Variants in CUL7 observed in about 807,000 individuals in gnomAD.
The protein encoded by CUL7 is cullin 7, also known as cullin-7.
In CUL7, 96 loss-of-function variants were observed where a neutral mutation model predicts 177.7. The ratio of observed to expected loss-of-function variants is 0.54; its 90% CI spans 0.46 to 0.64. The LOEUF (loss-of-function observed/expected upper bound fraction) is 0.64. Ranked by LOEUF, CUL7 falls within the 30% of genes least tolerant of loss-of-function variation. CUL7 has a pLI of 0.00. For missense variants in CUL7, 1,893 were observed against 2,187.9 expected (o/e 0.87, Z 2.69); for synonymous variants, 824 against 890.2 (o/e 0.93, Z 1.32).
intron 9 of CUL7, 97 bp downstream of exon 9, chr6:43,048,051 C>G: frequency 1.3e-6 from 1 of 750,724 alleles, no homozygotes; most frequent in Non-Finnish European, 2.4e-6. Context: ...CTCAAAGGCT[C>G]TATCACGCCC....
chr6:43,044,561 G>T (rs1763725916), intron 16 of CUL7, among the ~76,000 whole-genome samples, 191 bp downstream of exon 16: 1 of 152,060 alleles, frequency 6.6e-6, no homozygotes, highest in Non-Finnish European at 1.5e-5. Flanking sequence ...CACTTATGGT[G>T]TCCCCTGACA....
chr6:43,038,512 C>G, intron 24 of CUL7, 40 bp from the exon 25 acceptor site: 1 of 1,613,696 alleles, frequency 6.2e-7, no homozygotes, highest in Non-Finnish European at 8.5e-7. Flanking sequence ...GGAGAGCCCA[C>G]GAGGAGCCTG....
At position 43,042,869 on chromosome 6, in the gene CUL7, A is replaced by C. The variant is rs1763570043; in HGVS notation, c.3578T>G (p.Phe1193Cys). ...SSELFGPRAAFLLALQNGCAG... is the reference protein window; with the variant it reads ...SSELFGPRAACLLALQNGCAG... ...ACAGCCATTTTGCAGCGCCAGCAAG[A>C]AGGCTGCCCGAGGCCCAAACAGTTC... The change falls in exon 19 of 26, where the codon TTC (phenylalanine) becomes TGC (cysteine). Residue 1193 changes from phenylalanine to cysteine, a missense_variant. By Grantham distance (205) the Phe-to-Cys change is radical. This residue lies in a region of CUL7 where 973 missense variants were observed against 1,140.9 expected (regional missense o/e 0.85). Transcript: ENST00000265348. 1 of 1,613,902 alleles carries C rather than the reference A, an allele frequency of 6.2e-7. No individual in the cohort carries two copies. Among genetic ancestry groups the C allele is most frequent in the African/African-American group, 1.3e-5 (1 of 74,928 alleles).
In CUL7 at chr6:43,040,502, A is replaced by G. The variant is rs1763315763; in HGVS notation, c.4023+28T>C. The G allele has an allele frequency of 6.2e-7, 1 of 1,612,808 alleles. No individual in the cohort carries two copies. The highest frequency in any genetic ancestry group is 1.7e-5 in the Admixed American group (1 of 59,966). On this transcript the variant is annotated intron_variant, in intron 21 of 25. Coordinates refer to ENST00000265348, the MANE Select transcript of CUL7 (RefSeq NM_014780.5). This position sits in a 1 kb window ranked among gnomAD's most constrained non-coding sequence, Gnocchi z 4.2. ...ACGCCCCTCTTCCCCCTACCCTCTTATTTGCTTATCCCTTCCAAGGCACTC... is the reference window on the plus strand; with the variant it reads ...ACGCCCCTCTTCCCCCTACCCTCTTGTTTGCTTATCCCTTCCAAGGCACTC...
Position 43,038,856 on chromosome 6 carries a change from G to A in CUL7, c.4426C>T (p.Leu1476Phe). The A allele has an allele frequency of 6.2e-7, 1 of 1,614,212 alleles. No individual in the cohort carries two copies. Among genetic ancestry groups the A allele is most frequent in the Non-Finnish European group, 8.5e-7 (1 of 1,180,030 alleles). ...GGCTGGGCCACCTTCAGGTCGTTGA[G>A]ATACAGCAGTAGCCACATCTGCACG... ...STVQMWLLLYLNDLKAVSVES... is the reference protein window; with the variant it reads ...STVQMWLLLYFNDLKAVSVES... The change falls in exon 23 of 26, where the codon CTC becomes TTC. Residue 1476 changes from leucine (L) to phenylalanine (F), a missense_variant. Physicochemically the swap from Leu to Phe is conservative, Grantham distance 22 (BLOSUM62 0). Around this residue, in one of 5 missense-constraint regions of CUL7, gnomAD observed 16 missense variants for 40.0 expected, o/e 0.40. Coordinates refer to ENST00000265348, the MANE Select transcript of CUL7 (RefSeq NM_014780.5).
In CUL7 at chr6:43,044,787, AG is replaced by A. The variant is rs1490219553; in HGVS notation, c.3136del (p.Leu1046TrpfsTer95). Reference sequence around the variant, plus strand: ...GATGTTCTGCACCACGGGGCTGACCAGGGCCTCCCAGCAGGTCTTGCCCAGA... The same window carrying A: ...GATGTTCTGCACCACGGGGCTGACCAGGCCTCCCAGCAGGTCTTGCCCAGA... ...QALGKTCWEA[L>X]VSPVVQNITS... On this transcript the variant is annotated frameshift_variant, in exon 16 of 26. Coordinates refer to ENST00000265348, the MANE Select transcript of CUL7 (RefSeq NM_014780.5). LOFTEE classifies it high-confidence loss of function. The A allele has an allele frequency of 3.7e-6, 6 of 1,613,298 alleles. No individual in the cohort carries two copies. The highest frequency in any genetic ancestry group is 3.4e-6 in the Non-Finnish European group (4 of 1,179,312).
At position 43,040,242 on chromosome 6, in the gene CUL7, G is replaced by T; in HGVS notation, c.4208C>A (p.Ser1403Ter). 6.2e-7 allele frequency: 1 copy of T among 1,614,200 alleles called. No individual in the cohort carries two copies. The highest frequency in any genetic ancestry group is 8.5e-7 in the Non-Finnish European group (1 of 1,180,032). Residue 1403 changes from serine to a stop codon, truncating the protein, a stop_gained, in exon 22 of 26, where the codon TCA becomes TAA. Coordinates refer to ENST00000265348, the MANE Select transcript of CUL7 (RefSeq NM_014780.5). LOFTEE classifies it high-confidence loss of function. This position sits in a 1 kb window ranked among gnomAD's most constrained non-coding sequence, Gnocchi z 4.2. ...VLSRHSWPVA[S>*]ICHTLNPRTC... ...TCTGGGGTTCAGTGTGTGGCAGATT[G>T]AGGCAACAGGCCAGGAGTGTCGGGA... is the stretch of plus-strand genomic sequence containing the variant.
At position 43,051,441 on chromosome 6, in the gene CUL7, C is replaced by G. The variant is rs1304401631; in HGVS notation, c.760G>C (p.Val254Leu). 6.2e-7 allele frequency: 1 copy of G among 1,614,066 alleles called. No individual in the cohort carries two copies. The change falls in exon 4 of 26, where the codon GTG becomes CTG. Residue 254 changes from valine to leucine, a missense_variant. Val to Leu is a conservative substitution (Grantham distance 32). Transcript: ENST00000265348. The surrounding 1 kb of genome is among the most constrained non-coding windows in gnomAD (Gnocchi z 5.0). ...QVPGRVLFSL[V>L]KRYLHVTSLL... ...GAGGTGACATGCAAATACCGCTTCA[C>G]CAGGGAGAAGAGCACCCTTCCTGGG...
At chr6:43,041,284 T>TA (rs1373096994) in intron 19 of CUL7, among the ~76,000 whole-genome samples, 2 of 152,208 alleles carry the variant, frequency 1.3e-5, no homozygotes, top group East Asian at 3.8e-4. Flanking sequence ...ACATTGTGTC[T>TA]AAAAAATCAA....
rs201348693 is a variant in CUL7 at position 43,049,629 on chromosome 6, C to T, written c.1603G>A (p.Val535Met). ...LDDEILAELA[V>M]PIELAQDLLL... ...AAGTCCTGGGCCAATTCTATGGGCA[C>T]GGCCAGTTCAGCTAGGATCTCATCA... The change falls in exon 7 of 26, where the codon GTG (valine) becomes ATG (methionine). Residue 535 changes from valine to methionine, a missense_variant. Physicochemically the swap from Val to Met is conservative, Grantham distance 21. This residue lies in a region of CUL7 where 653 missense variants were observed against 725.2 expected (regional missense o/e 0.90). Transcript: ENST00000265348. 36 of 1,614,136 alleles carry T rather than the reference C, an allele frequency of 2.2e-5. No homozygotes were observed. The highest frequency in any genetic ancestry group is 6.7e-5 in the African/African-American group (5 of 75,020).
At chr6:43,048,690 AT>A (rs766751009) in intron 7 of CUL7, 121 bp from the exon 8 acceptor site, 26 of 737,666 alleles carry the variant, frequency 3.5e-5, no homozygotes, top group Admixed American at 1.1e-4. Context: ...AAATTTTTTA[AT>A]CCCCCTAAAA....
At position 43,052,962 on chromosome 6, in the gene CUL7, G is replaced by A. The variant is rs977541923; in HGVS notation, c.-8-166C>T. On this transcript the variant is annotated intron_variant, in intron 1 of 25. Transcript: ENST00000265348. The surrounding 1 kb of genome is among the most constrained non-coding windows in gnomAD (Gnocchi z 4.5). ...GCACGCTGGGTGGGGGCAGGCCTAA[G>A]CAGAGAACACTGGGGTGTTTGTTGT... Among the ~76,000 whole-genome samples the A allele has an allele frequency of 1.3e-5, 2 of 152,196 alleles. No individual in the cohort carries two copies. The highest frequency in any genetic ancestry group is 4.8e-5 in the African/African-American group (2 of 41,450).
At position 43,053,779 on chromosome 6, in the gene CUL7, C is replaced by A. The variant is rs1764678036; in HGVS notation, c.-166G>T. 6.5e-7 allele frequency: 1 copy of A among 1,531,210 alleles called. No homozygotes were observed. Among genetic ancestry groups the A allele is most frequent in the African/African-American group, 1.4e-5 (1 of 72,704 alleles). 94.9% of individuals were successfully genotyped at this position (1,531,210 alleles called of 1,614,324 possible). On this transcript the variant is annotated 5_prime_UTR_variant, in exon 1 of 26. Coordinates refer to ENST00000265348, the MANE Select transcript of CUL7 (RefSeq NM_014780.5). This position sits in a 1 kb window ranked among gnomAD's most constrained non-coding sequence, Gnocchi z 4.1. ...GTGCCTCCGCGGAACAGAGCTGCACCCGCGTGAGTCGGCAGCCACTGGGGC... is the reference window on the plus strand; with the variant it reads ...GTGCCTCCGCGGAACAGAGCTGCACACGCGTGAGTCGGCAGCCACTGGGGC...
Position 43,052,770 on chromosome 6 carries a change from A to C in CUL7, c.19T>G (p.Tyr7Asp), listed in dbSNP as rs765999504. The change falls in exon 2 of 26, where the codon TAC becomes GAC. Residue 7 changes from tyrosine to aspartate, a missense_variant. Around this residue, in one of 5 missense-constraint regions of CUL7, gnomAD observed 653 missense variants for 725.2 expected, o/e 0.90. Transcript: ENST00000265348. This position sits in a 1 kb window ranked among gnomAD's most constrained non-coding sequence, Gnocchi z 4.5. ...CCCAGGGGCACCCTGAATTCCCTGT[A>C]GCGGAGTTCTCCCACCATCCTGGCA... MVGELRYREFRVPLGPG... is the reference protein window; with the variant it reads MVGELRDREFRVPLGPG... 8 of 1,606,366 alleles carry C rather than the reference A, an allele frequency of 5.0e-6. No individual in the cohort carries two copies. The highest frequency in any genetic ancestry group is 6.8e-6 in the Non-Finnish European group (8 of 1,179,980).
intron 19 of CUL7, among the ~76,000 whole-genome samples, chr6:43,042,484 G>A (rs1763527811): frequency 6.6e-6 from 1 of 152,092 alleles, no homozygotes; most frequent in African/African-American, 2.4e-5. Context: ...GGGAATACAG[G>A]CATGTGCCAC....
At position 43,038,982 on chromosome 6, in the gene CUL7, T is replaced by C; in HGVS notation, c.4300A>G (p.Ser1434Gly). 2 of 1,607,572 alleles carry C rather than the reference T, an allele frequency of 1.2e-6. 1 individual carries two copies. Among genetic ancestry groups the C allele is most frequent in the South Asian group, 2.2e-5 (2 of 90,946 alleles). Reference sequence around the variant, plus strand: ...GAGCCTCGCTCAAGGGCAGGGTGGCTCTGACCTGGACCAGGAAGGGGGAGG... The same window carrying C: ...GAGCCTCGCTCAAGGGCAGGGTGGCCCTGACCTGGACCAGGAAGGGGGAGG... The part of the protein sequence containing the change: ...RYSNFYNKSQ[S>G]HPALERGSQR... Residue 1434 changes from serine to glycine, a missense_variant, in exon 23 of 26, where the codon AGC (serine) becomes GGC (glycine). By Grantham distance (56) the Ser-to-Gly change is moderately conservative. Transcript: ENST00000265348.
chr6:43,048,407 G>GGCTGCC lies in CUL7; in HGVS notation c.1982_1987dup (p.Arg661_Gln662dup), dbSNP rs1561889379. 3 of 1,613,116 alleles carry GGCTGCC rather than the reference G, an allele frequency of 1.9e-6. No individual in the cohort carries two copies. The highest frequency in any genetic ancestry group is 2.5e-6 in the Non-Finnish European group (3 of 1,179,122). ...CTGCATCAGTGCCAGGAAGGGCTGC[G>GGCTGCC]GCTGCCGCTGCAGCTGCAGCAGGAG... is the stretch of plus-strand genomic sequence containing the variant. On this transcript the variant is annotated inframe_insertion, in exon 8 of 26. Coordinates refer to ENST00000265348, the MANE Select transcript of CUL7 (RefSeq NM_014780.5).
At position 43,043,211 on chromosome 6, in the gene CUL7, G is replaced by A; in HGVS notation, c.3356-31C>T. ...GAGACCAAGAAAGTGGCAGAGGCAA[G>A]GAGGGTGCAGCCCCTCCACTCCCAA... On this transcript the variant is annotated intron_variant, in intron 17 of 25. Coordinates refer to ENST00000265348, the MANE Select transcript of CUL7 (RefSeq NM_014780.5). This position sits in a 1 kb window ranked among gnomAD's most constrained non-coding sequence, Gnocchi z 4.2. The A allele has an allele frequency of 6.4e-7, 1 of 1,567,894 alleles. No individual in the cohort carries two copies. Among genetic ancestry groups the A allele is most frequent in the African/African-American group, 1.4e-5 (1 of 74,070 alleles).
At position 43,040,381 on chromosome 6, in the gene CUL7, C is replaced by T. The variant is rs78682787; in HGVS notation, c.4069G>A (p.Glu1357Lys). Reference protein sequence around the residue: ...SGKEHKSEKEEEAGAAAVVDV... With the variant: ...SGKEHKSEKEKEAGAAAVVDV... ...ACCACTGCTGCTGCCCCAGCTTCCTCTTCCTTCTCGCTCTTGTGCTCCTTG... is the reference window on the plus strand; with the variant it reads ...ACCACTGCTGCTGCCCCAGCTTCCTTTTCCTTCTCGCTCTTGTGCTCCTTG... The change falls in exon 22 of 26, where the codon GAG (glutamate) becomes AAG (lysine). Residue 1357 changes from glutamate to lysine, a missense_variant. Transcript: ENST00000265348. This position sits in a 1 kb window ranked among gnomAD's most constrained non-coding sequence, Gnocchi z 4.2. 1.9e-4 allele frequency: 306 copies of T among 1,613,426 alleles called. 2 individuals are homozygous for T. The East Asian group carries it at 6.8e-3, about 36-fold the overall frequency.
Sources: gnomAD v4.1 joint callset for allele counts (sites outside exome capture counted in the v4.1 genomes callset) on GRCh38, gnomAD v4.1.1 for gene constraint, gnomAD v4.1.1 regional missense constraint, Gnocchi (gnomAD v3.1) non-coding constraint, MANE v1.5 for transcripts, NCBI Gene and HGNC (gene_info 2026-07-23, HGNC 2026-07-21) for gene names.